The following LZTS2 variants were observed in gnomAD, a reference collection of about 807,000 sequenced individuals.
LZTS2 encodes the protein leucine zipper putative tumor suppressor 2.
Under a neutral mutation model 60.6 loss-of-function variants are expected in LZTS2, and 32 were observed. The observed-to-expected ratio is 0.53, with a 90% confidence interval of 0.40 to 0.71. LZTS2 has a LOEUF of 0.71. LZTS2 is among the 30% of genes least tolerant of loss of function. The probability of loss-of-function intolerance (pLI) is 0.00; values close to 1 mark genes in which losing one functional copy is unlikely to be tolerated. For synonymous variants in LZTS2, 360 were observed against 393.1 expected (o/e 0.92, Z 1.00); for missense variants, 792 against 901.9 (o/e 0.88, Z 1.56).
At chr10:101,007,463 T>C in exon 4 of LZTS2, 1 of 1,444,034 alleles carries the variant, frequency 6.9e-7, no homozygotes, top group South Asian at 1.2e-5. Context: ...CACAGGCGCT[T>C]CCAGCCCACT....
In LZTS2 at chr10:101,002,457, T is replaced by C. The variant is rs560414834; in HGVS notation, c.-82T>C. 2.8e-6 allele frequency: 4 copies of C among 1,419,564 alleles called. No homozygotes were observed. In the African/African-American group the frequency reaches 5.8e-5, roughly 20 times the overall value. 87.9% of individuals were successfully genotyped at this position (1,419,564 alleles called of 1,614,324 possible). On this transcript the variant is annotated 5_prime_UTR_variant, in exon 1 of 4. Coordinates refer to ENST00000370220, the Ensembl canonical transcript of LZTS2. ...CAGGATCAGTGGGTCAGGAGGGGTC[T>C]CAAGGTGGAGGGACTCTGACACCAC...
At chr10:101,003,887 G>C in exon 2 of LZTS2, 1 of 1,612,976 alleles carries the variant, frequency 6.2e-7, no homozygotes. Flanking sequence ...CAGCCCGAGG[G>C]GTCCCTACTG....
At chr10:101,002,328 A>C in exon 1 of LZTS2, 1 of 471,880 alleles carries the variant, frequency 2.1e-6, no homozygotes, top group Non-Finnish European at 3.7e-6. Flanking sequence ...AGCATTGGGC[A>C]GTGTGGTTTG....
exon 1 of LZTS2, chr10:101,002,843 G>A: frequency 1.2e-6 from 2 of 1,613,896 alleles, no homozygotes; most frequent in South Asian, 2.2e-5. Flanking sequence ...TCACCCCCCA[G>A]CCCAAGCAGT....
exon 2 of LZTS2, chr10:101,003,906 C>T (rs1404119527): frequency 3.1e-6 from 5 of 1,612,252 alleles, no homozygotes; most frequent in East Asian, 2.2e-5. Context: ...TGGGCCCTCC[C>T]ACTCAGACAG....
chr10:101,002,499 CG>C lies in LZTS2; in HGVS notation c.-39del. The C allele has an allele frequency of 6.7e-7, 1 of 1,493,382 alleles. No individual in the cohort carries two copies. The allele number at this position is 1,493,382 out of a possible 1,614,324, so 92.5% of individuals were successfully genotyped here. A position where few individuals can be genotyped will look rare whatever the true frequency, so the allele number is the denominator to read the frequency against. On this transcript the variant is annotated 5_prime_UTR_variant, in exon 1 of 4. The change creates a premature stop within an existing upstream ORF in the 5' untranslated region. Coordinates refer to ENST00000370220, the Ensembl canonical transcript of LZTS2. ...TGACACCACTGCCCTGCTTACAGGTCGCCTGCGAGGCCGCTGGCCAGGCCTG... is the reference window on the plus strand; with the variant it reads ...TGACACCACTGCCCTGCTTACAGGTCCCTGCGAGGCCGCTGGCCAGGCCTG...
chr10:101,003,772 T>C (rs1317967621), exon 2 of LZTS2: 1 of 1,613,144 alleles, frequency 6.2e-7, no homozygotes, highest in Admixed American at 1.7e-5. Flanking sequence ...CGAAACTCAC[T>C]GTCCAGCCTG....
At chr10:101,007,323 C>G in exon 4 of LZTS2, 10 of 1,419,018 alleles carry the variant, frequency 7.0e-6, no homozygotes, top group Non-Finnish European at 9.2e-6. Flanking sequence ...GCCAAGAACT[C>G]AGGGTGGCCC....
chr10:101,003,633 C>T (rs987651129), exon 2 of LZTS2: 1 of 1,606,758 alleles, frequency 6.2e-7, no homozygotes, highest in African/African-American at 1.3e-5. Context: ...CCAGGGCAGC[C>T]TGACGCAGCT....
chr10:101,002,343 C>G (rs1852057194), exon 1 of LZTS2: 1 of 498,908 alleles, frequency 2.0e-6, no homozygotes, highest in Non-Finnish European at 3.4e-6. Context: ...GGTTTGGGGC[C>G]CAGGGGGAAT....
exon 1 of LZTS2, chr10:101,002,393 G>A (rs1433620620): frequency 6.0e-6 from 4 of 669,486 alleles, no homozygotes; most frequent in Non-Finnish European, 9.2e-6. Flanking sequence ...GTCTTGGTGG[G>A]GATCAGGGCT....
At chr10:101,003,733 G>A in exon 2 of LZTS2, 2 of 1,612,928 alleles carry the variant, frequency 1.2e-6, no homozygotes, top group South Asian at 2.2e-5. Context: ...GCCAGTGGCT[G>A]CCCATCAGGG....
chr10:101,005,536 G>T (rs766226827), exon 3 of LZTS2: 1 of 1,607,238 alleles, frequency 6.2e-7, no homozygotes, highest in Non-Finnish European at 8.5e-7. Context: ...GGCACAGCGG[G>T]CACAGCGGGC....
intron 3 of LZTS2, 30 bp downstream of exon 4, chr10:101,005,745 G>T (rs1852165192): frequency 6.6e-7 from 1 of 1,506,412 alleles, no homozygotes; most frequent in South Asian, 1.2e-5. Context: ...GCAGGGAGCA[G>T]GGTCACACAG....
chr10:101,007,781 AT>A, exon 4 of LZTS2: 1 of 468,322 alleles, frequency 2.1e-6, no homozygotes, highest in Non-Finnish European at 2.8e-6. Flanking sequence ...CACACTGTAA[AT>A]TTCTTGTACA....
At position 101,006,636 on chromosome 10, in the gene LZTS2, G is replaced by A. The variant is rs368838100; in HGVS notation, c.1478G>A (p.Arg493Gln). 24 of 1,588,058 alleles carry A rather than the reference G, an allele frequency of 1.5e-5. No individual in the cohort carries two copies. Among genetic ancestry groups the A allele is most frequent in the African/African-American group, 8.1e-5 (6 of 74,344 alleles). ...CTGCGGGTCAGTGAGGGCCGTGCGC[G>A]GGGTCTACAGGAGGCCGCCCGAGCT... is the stretch of plus-strand genomic sequence containing the variant. Residue 493 changes from arginine to glutamine, a missense_variant, in exon 4 of 4, where the codon CGG becomes CAG. Transcript: ENST00000370220.
upstream of LZTS2, chr10:100,998,788 CTG>C (rs1851965699): frequency 6.6e-6 from 1 of 152,410 alleles, no homozygotes; most frequent in Non-Finnish European, 1.5e-5. Flanking sequence ...GCACTTGAGA[CTG>C]TGACTGGGTG....
chr10:101,007,169 G>A (rs1354389977), exon 4 of LZTS2: 1 of 1,563,436 alleles, frequency 6.4e-7, no homozygotes, highest in African/African-American at 1.4e-5. Flanking sequence ...TGAGATCTAG[G>A]GCCCTCAGCA....
exon 4 of LZTS2, chr10:101,006,501 G>A: frequency 6.2e-7 from 1 of 1,610,032 alleles, no homozygotes; most frequent in Non-Finnish European, 8.5e-7. Flanking sequence ...CAGAAATCAG[G>A]CGAGATCTCC....
Sources: allele counts gnomAD v4.1 joint callset, GRCh38; gene constraint gnomAD v4.1.1; transcripts MANE v1.5; gene names NCBI Gene and HGNC (gene_info 2026-07-23, HGNC 2026-07-21).